CCDC141: variants seen among roughly 807,000 people sequenced by gnomAD.
The protein encoded by CCDC141 is coiled-coil domain containing 141.
A neutral mutation model predicts 181.0 loss-of-function variants in CCDC141; 168 were observed. That is an observed-to-expected ratio of 0.93 (90% CI 0.82 to 1.05). CCDC141 has a LOEUF of 1.05. CCDC141 is among the 50% of genes least tolerant of loss of function. The pLI, the probability that CCDC141 is intolerant of heterozygous loss-of-function variation, is 0.00. For missense variants in CCDC141, 1,902 were observed against 1,788.5 expected, an observed-to-expected ratio of 1.06 and a Z score of -1.14; for synonymous variants, 666 against 642.3, an observed-to-expected ratio of 1.04 and a Z score of -0.56.
chr2:179,024,808 T>C (rs78314736), intron 2 of CCDC141, among the ~76,000 whole-genome samples: 6,845 of 152,286 alleles, frequency 0.045, 171 homozygotes, highest in African/African-American at 0.063. Flanking sequence ...TTCAATTCCA[T>C]TGATGGCACT....
intron 22 of CCDC141, among the ~76,000 whole-genome samples, chr2:178,839,803 T>A (rs1378003879): frequency 6.6e-6 from 1 of 152,090 alleles, no homozygotes; most frequent in Non-Finnish European, 1.5e-5. Context: ...ATTAAATTAC[T>A]AATTGCCCCT....
intron 2 of CCDC141, among the ~76,000 whole-genome samples, chr2:179,036,563 A>G (rs1434500310): frequency 1.3e-5 from 2 of 152,244 alleles, no homozygotes; most frequent in Admixed American, 6.5e-5. Context: ...TAAACAAGGA[A>G]GTGCCAAGCG....
chr2:179,029,160 T>A (rs531041804), intron 2 of CCDC141, among the ~76,000 whole-genome samples: 1 of 152,344 alleles, frequency 6.6e-6, no homozygotes, highest in East Asian at 1.9e-4. Context: ...TGATTCCTAA[T>A]CTTTACCCAT....
chr2:178,872,578 A>C (rs926870005), intron 12 of CCDC141, among the ~76,000 whole-genome samples: 3 of 152,132 alleles, frequency 2.0e-5, no homozygotes, highest in Admixed American at 2.0e-4. Context: ...CTGGGGTTTG[A>C]AAGATTATTT....
chr2:178,872,386 T>A (rs1480875340), intron 12 of CCDC141, 74 bp from the exon 13 acceptor site: 5 of 1,339,256 alleles, frequency 3.7e-6, no homozygotes, highest in African/African-American at 2.9e-5. Flanking sequence ...ATAACTATTT[T>A]ACGAGGCAAA....
intron 2 of CCDC141, among the ~76,000 whole-genome samples, chr2:179,008,275 A>T (rs2154384131): frequency 6.6e-6 from 1 of 152,316 alleles, no homozygotes; most frequent in East Asian, 1.9e-4. Flanking sequence ...TCATTCATTT[A>T]TCAAATACTT....
chr2:178,978,491 G>T lies in CCDC141; in HGVS notation c.410C>A (p.Ala137Asp). 6.7e-7 allele frequency: 1 copy of T among 1,497,486 alleles called. No homozygotes were observed. The highest frequency in any genetic ancestry group is 1.4e-5 in the African/African-American group (1 of 70,326). 92.8% of individuals were successfully genotyped at this position (1,497,486 alleles called of 1,614,324 possible). A position where few individuals can be genotyped will look rare whatever the true frequency, so the allele number is the denominator to read the frequency against. ...LRLTSEFFEN[A>D]LEFAIKIDQA... ...GTTTTTTAAAGTACAAACCTCTAAG[G>T]CATTTTCAAAAAATTCAGAAGTCAA... The change falls in exon 3 of 24, where the codon GCC becomes GAC. Residue 137 changes from alanine (A) to aspartate (D), a missense_variant. Coordinates refer to ENST00000443758, the MANE Select transcript of CCDC141 (RefSeq NM_173648.4).
At chr2:179,027,580 G>A (rs2042883866) in intron 2 of CCDC141, among the ~76,000 whole-genome samples, 1 of 148,204 alleles carries the variant, frequency 6.7e-6, no homozygotes, top group Admixed American at 6.8e-5. Flanking sequence ...GGGAGGTGGA[G>A]GTCGCAGTGA....
chr2:178,896,283 G>T (rs887611331), intron 8 of CCDC141, among the ~76,000 whole-genome samples: 9 of 152,020 alleles, frequency 5.9e-5, no homozygotes, highest in African/African-American at 1.9e-4. Context: ...TCAGACTTTC[G>T]GATTGTGTCT....
intron 2 of CCDC141, among the ~76,000 whole-genome samples, chr2:178,999,091 T>A (rs897726427): frequency 6.6e-6 from 1 of 152,150 alleles, no homozygotes; most frequent in African/African-American, 2.4e-5. Flanking sequence ...AGCTCTTAAA[T>A]CTGCAACCAC....
At chr2:178,838,282 T>TGTAC (rs1440540290) in intron 22 of CCDC141, among the ~76,000 whole-genome samples, 4 of 152,224 alleles carry the variant, frequency 2.6e-5, no homozygotes. Context: ...CATGTTTAAG[T>TGTAC]GTACGGCTCA....
At chr2:178,963,821 G>A (rs912635042) in intron 4 of CCDC141, among the ~76,000 whole-genome samples, 11 of 152,208 alleles carry the variant, frequency 7.2e-5, no homozygotes, top group African/African-American at 2.7e-4. Flanking sequence ...TGACGAGAGT[G>A]TGATTATGTT....
chr2:178,978,044 A>G (rs1691202960), intron 3 of CCDC141, among the ~76,000 whole-genome samples: 1 of 152,162 alleles, frequency 6.6e-6, no homozygotes, highest in African/African-American at 2.4e-5. Flanking sequence ...TATCCTATGG[A>G]ATATTCTATA....
At chr2:178,925,539 A>G (rs886784803) in intron 6 of CCDC141, among the ~76,000 whole-genome samples, 6 of 152,238 alleles carry the variant, frequency 3.9e-5, no homozygotes, top group African/African-American at 1.2e-4. Context: ...TCCTTGGTTC[A>G]ACATAGATGA....
At chr2:178,877,242 A>G (rs1040168432) in intron 12 of CCDC141, 1 of 152,200 alleles carries the variant, frequency 6.6e-6, no homozygotes, top group African/African-American at 2.4e-5. Flanking sequence ...AAGGACTTTC[A>G]TGTGTAAGAG....
chr2:178,905,678 T>C (rs1687933054), intron 7 of CCDC141, among the ~76,000 whole-genome samples, 177 bp from the exon 8 acceptor site: 1 of 152,158 alleles, frequency 6.6e-6, no homozygotes, highest in Admixed American at 6.5e-5. Context: ...TTTTTTAGGG[T>C]TCCATTTAGG....
chr2:179,048,907 A>T (rs557289214), intron 1 of CCDC141, among the ~76,000 whole-genome samples: 1 of 152,354 alleles, frequency 6.6e-6, no homozygotes, highest in South Asian at 2.1e-4. Context: ...TAAAGTAAAC[A>T]TGGCTTGCTG....
At chr2:178,844,192 G>A in intron 22 of CCDC141, among the ~76,000 whole-genome samples, 1 of 152,154 alleles carries the variant, frequency 6.6e-6, no homozygotes, top group East Asian at 1.9e-4. Flanking sequence ...GTAGGAAATT[G>A]TGCAGAACTA....
intron 22 of CCDC141, 63 bp from the exon 23 acceptor site, chr2:178,837,807 C>G: frequency 6.5e-7 from 1 of 1,526,770 alleles, no homozygotes; most frequent in South Asian, 1.3e-5. Context: ...GTTTCAATTA[C>G]AGTAAAACTC....
Sources: gnomAD v4.1 joint callset for allele counts (sites outside exome capture counted in the v4.1 genomes callset) on GRCh38, gnomAD v4.1.1 for gene constraint, MANE v1.5 for transcripts, NCBI Gene and HGNC (gene_info 2026-07-23, HGNC 2026-07-21) for gene names.